The following CCDC13 variants were observed in gnomAD, a reference collection of about 807,000 sequenced individuals.
The protein encoded by CCDC13 is coiled-coil domain containing 13, also known as coiled-coil domain-containing protein 13.
CCDC13 carries 70 observed loss-of-function variants against 87.3 expected under a neutral mutation model. The observed-to-expected ratio is 0.80, with a 90% CI of 0.66 to 0.98. The LOEUF (loss-of-function observed/expected upper bound fraction) is 0.98. CCDC13 is among the 50% of genes least tolerant of loss of function. The pLI is 0.00. For missense variants in CCDC13, 842 were observed against 892.0 expected (o/e 0.94, Z 0.71); for synonymous variants, 317 against 360.3 (o/e 0.88, Z 1.36).
intron 1 of CCDC13, among the ~76,000 whole-genome samples, chr3:42,761,885 C>G (rs887701618): frequency 6.6e-6 from 1 of 152,212 alleles, no homozygotes; most frequent in African/African-American, 2.4e-5. Flanking sequence ...AGCATGAATA[C>G]CATGGTCCTT....
At chr3:42,763,929 C>A (rs1289008141) in intron 1 of CCDC13, among the ~76,000 whole-genome samples, 1 of 152,126 alleles carries the variant, frequency 6.6e-6, no homozygotes, top group African/African-American at 2.4e-5. Flanking sequence ...TTCAGGCAGA[C>A]CTGAGACATC....
In CCDC13 at chr3:42,730,648, AC is replaced by A. The variant is rs2125881609; in HGVS notation, c.1596-60del. The A allele has an allele frequency of 1.9e-6, 3 of 1,591,488 alleles. No individual in the cohort carries two copies. In the East Asian group the frequency reaches 6.8e-5, roughly 36 times the overall value. ...CATCCGAGGCCTAGAAATAACACTT[AC>A]CCCTGTGATGGTTGGAGGGACTAGA... On this transcript the variant is annotated intron_variant, in intron 12 of 15. Transcript: ENST00000310232.
intron 7 of CCDC13, chr3:42,745,475 C>T (rs1477001708): frequency 6.4e-6 from 1 of 155,460 alleles, no homozygotes; most frequent in Non-Finnish European, 1.4e-5. Flanking sequence ...CTGCTGTTAG[C>T]TGCTTTTGGT....
At chr3:42,769,455 T>G (rs1288282731) in intron 1 of CCDC13, among the ~76,000 whole-genome samples, 1 of 152,264 alleles carries the variant, frequency 6.6e-6, no homozygotes, top group Non-Finnish European at 1.5e-5. Context: ...TCTTGCCATA[T>G]GATCCAGTGA....
chr3:42,757,070 G>C lies in CCDC13; in HGVS notation c.366C>G (p.Phe122Leu). ...TCACAACAATGGTGGAGCTACCTGTGAAGGCAAATCTGTCCTCTTCTATTT... is the reference window on the plus strand; with the variant it reads ...TCACAACAATGGTGGAGCTACCTGTCAAGGCAAATCTGTCCTCTTCTATTT... The part of the protein sequence containing the change: ...KKKIEEDRFA[F>L]TGTAGVAGDV... The change falls in exon 3 of 16, where the codon TTC becomes TTG. Residue 122 changes from phenylalanine (F) to leucine (L), a missense_variant. Physicochemically the swap from Phe to Leu is conservative, Grantham distance 22. Coordinates refer to ENST00000310232, the MANE Select transcript of CCDC13 (RefSeq NM_144719.4). The C allele has an allele frequency of 6.2e-7, 1 of 1,613,736 alleles. No individual in the cohort carries two copies. The highest frequency in any genetic ancestry group is 8.5e-7 in the Non-Finnish European group (1 of 1,179,740).
At chr3:42,710,250 C>T (rs1698279363) in intron 14 of CCDC13, among the ~76,000 whole-genome samples, 1 of 151,830 alleles carries the variant, frequency 6.6e-6, no homozygotes, top group Non-Finnish European at 1.5e-5. Flanking sequence ...ACAACAGGTG[C>T]CTGTCACCAT....
At chr3:42,760,588 G>A (rs927816616) in intron 1 of CCDC13, among the ~76,000 whole-genome samples, 7 of 151,434 alleles carry the variant, frequency 4.6e-5, no homozygotes, top group African/African-American at 1.7e-4. Flanking sequence ...TTGCACTCCA[G>A]CCTGGGCGAG....
chr3:42,767,242 T>C (rs1334952009), intron 1 of CCDC13, among the ~76,000 whole-genome samples: 1 of 151,706 alleles, frequency 6.6e-6, no homozygotes, highest in Non-Finnish European at 1.5e-5. Context: ...GTAAGGTTAA[T>C]ACACAGAAGT....
intron 5 of CCDC13, among the ~76,000 whole-genome samples, chr3:42,749,600 T>C (rs1159991187): frequency 6.6e-6 from 1 of 152,206 alleles, no homozygotes. Context: ...GATGGTGTTC[T>C]GGAGAGGGCT....
chr3:42,739,589 G>A (rs1699143820), intron 9 of CCDC13, 45 bp downstream of exon 9: 1 of 1,581,422 alleles, frequency 6.3e-7, no homozygotes, highest in Non-Finnish European at 8.6e-7. Context: ...CATCCTTTGA[G>A]GAACCACCCC....
chr3:42,752,521 C>G, intron 4 of CCDC13, 54 bp downstream of exon 4: 2 of 1,609,280 alleles, frequency 1.2e-6, no homozygotes, highest in Non-Finnish European at 8.5e-7. Context: ...GGGAGGTTCC[C>G]TCTTGCCCAT....
chr3:42,745,827 A>C, intron 7 of CCDC13, 96 bp downstream of exon 7: 1 of 899,576 alleles, frequency 1.1e-6, no homozygotes, highest in South Asian at 1.6e-5. Context: ...TTTTTTGGGT[A>C]CTGTGTGCTT....
chr3:42,745,814 G>C (rs1323865381), intron 7 of CCDC13, 109 bp downstream of exon 7: 2 of 746,382 alleles, frequency 2.7e-6, no homozygotes, highest in African/African-American at 3.5e-5. Flanking sequence ...AGACCTAAAG[G>C]CCTTTTTTGG....
intron 12 of CCDC13, among the ~76,000 whole-genome samples, chr3:42,731,417 C>T (rs527285398): frequency 2.6e-5 from 4 of 152,028 alleles, no homozygotes; most frequent in South Asian, 4.2e-4. Flanking sequence ...AGATGGGCTC[C>T]GAGAACTGCA....
At chr3:42,747,230 A>C (rs952337392) in intron 6 of CCDC13, 27 bp downstream of exon 6, 8 of 1,562,388 alleles carry the variant, frequency 5.1e-6, no homozygotes, top group Non-Finnish European at 7.1e-6. Context: ...GCCACACAAG[A>C]AGCCCCAAGC....
intron 15 of CCDC13, 106 bp downstream of exon 15, chr3:42,709,578 G>A: frequency 1.1e-6 from 1 of 908,388 alleles, no homozygotes; most frequent in East Asian, 2.5e-5. Context: ...AAGCCTTCTG[G>A]GCAAATGAGT....
At chr3:42,718,874 A>T (rs556675418) in intron 13 of CCDC13, 2 of 152,290 alleles carry the variant, frequency 1.3e-5, no homozygotes, top group Admixed American at 6.5e-5. Context: ...ACATAAACCC[A>T]GGTAAAGGAT....
intron 10 of CCDC13, among the ~76,000 whole-genome samples, chr3:42,735,416 A>G (rs1002821276): frequency 2.6e-5 from 4 of 152,182 alleles, no homozygotes; most frequent in Non-Finnish European, 5.9e-5. Context: ...AATCCTGAGG[A>G]TAAGGCCACA....
At chr3:42,766,765 T>C (rs556376349) in intron 1 of CCDC13, among the ~76,000 whole-genome samples, 1 of 152,282 alleles carries the variant, frequency 6.6e-6, no homozygotes, top group South Asian at 2.1e-4. Flanking sequence ...AGAAAATCAA[T>C]TAACATAAAC....
Sources: gnomAD v4.1 joint callset for allele counts (sites outside exome capture counted in the v4.1 genomes callset) on GRCh38, gnomAD v4.1.1 for gene constraint, MANE v1.5 for transcripts, NCBI Gene and HGNC (gene_info 2026-07-23, HGNC 2026-07-21) for gene names.